The following GREM2 variants were observed in gnomAD, a reference collection of about 807,000 sequenced individuals.
The protein encoded by GREM2 is gremlin-2.
GREM2 carries 11 observed loss-of-function variants against 14.2 expected under a neutral mutation model. That is an observed-to-expected ratio of 0.78 (90% CI 0.49 to 1.28). GREM2 has a LOEUF of 1.28. Among genes scored for constraint, GREM2 ranks in the 50% most tolerant of loss-of-function variants. The pLI, the probability that GREM2 is intolerant of heterozygous loss-of-function variation, is 0.00. For synonymous variants in GREM2, 98 were observed against 97.6 expected, an observed-to-expected ratio of 1.00 and a Z score of -0.02; for missense variants, 210 against 218.5, an observed-to-expected ratio of 0.96 and a Z score of 0.24.
intron 1 of GREM2, among the ~76,000 whole-genome samples, chr1:240,607,126 A>G (rs556397893): frequency 7.9e-5 from 12 of 152,330 alleles, no homozygotes; most frequent in East Asian, 1.9e-4. Flanking sequence ...TTAGCAAATA[A>G]TCATTCTTTA....
At chr1:240,602,355 T>C (rs902163421) in intron 1 of GREM2, among the ~76,000 whole-genome samples, 2 of 152,142 alleles carry the variant, frequency 1.3e-5, no homozygotes, top group Non-Finnish European at 2.9e-5. Flanking sequence ...TTCTTTCTTA[T>C]ATGTTTTTTC....
At chr1:240,582,505 A>C (rs73113794) in intron 1 of GREM2, among the ~76,000 whole-genome samples, 3,239 of 151,994 alleles carry the variant, frequency 0.021, 85 homozygotes, top group African/African-American at 0.056. Context: ...TTTTATTAAG[A>C]AATTTGTTGA....
At chr1:240,563,341 G>A (rs1182835809) in intron 1 of GREM2, among the ~76,000 whole-genome samples, 1 of 152,170 alleles carries the variant, frequency 6.6e-6, no homozygotes, top group East Asian at 1.9e-4. Flanking sequence ...AGAATGCAAT[G>A]CTCCTCAGGC....
At chr1:240,509,537 G>T (rs1677756820) in intron 1 of GREM2, among the ~76,000 whole-genome samples, 2 of 151,620 alleles carry the variant, frequency 1.3e-5, no homozygotes, top group Admixed American at 1.3e-4. Context: ...CCCAGCTAAT[G>T]TTGTATTTTT....
intron 1 of GREM2, among the ~76,000 whole-genome samples, chr1:240,578,373 A>G (rs1233241434): frequency 6.6e-6 from 1 of 151,664 alleles, no homozygotes; most frequent in Non-Finnish European, 1.5e-5. Context: ...TGATCTGCCC[A>G]CTGTGGCCTC....
chr1:240,546,237 G>A (rs1189992159), intron 1 of GREM2, among the ~76,000 whole-genome samples: 1 of 152,078 alleles, frequency 6.6e-6, no homozygotes, highest in Non-Finnish European at 1.5e-5. Flanking sequence ...TCCTTGGAAG[G>A]CTGAGGCAGG....
chr1:240,562,161 G>T (rs1679052255), intron 1 of GREM2, among the ~76,000 whole-genome samples: 1 of 152,168 alleles, frequency 6.6e-6, no homozygotes, highest in South Asian at 2.1e-4. Flanking sequence ...TGAAGTGTGT[G>T]CTTGGGGTGA....
In GREM2 at chr1:240,610,823, C is replaced by T. The variant is rs182349264; in HGVS notation, c.-2+1061G>A. ...AATCTGTTCCACTGCAGAAAAAGCG[C>T]TTTTCATAGGGATTCAGAGCCACAT... On this transcript the variant is annotated intron_variant, in intron 1 of 1. Transcript: ENST00000318160. Among the ~76,000 whole-genome samples, 190 of 152,264 alleles carry T rather than the reference C, an allele frequency of 1.2e-3. 2 individuals carry two copies. The highest frequency in any genetic ancestry group is 0.011 in the Admixed American group (175 of 15,294).
rs879541880 is a variant in GREM2, at chr1:240,540,298, T to G, written c.-1-46822A>C. ...ATTTTCTTTGTCTAGACTAACTTAT[T>G]GCATTGAAGAGCTCCTTCTCCAAAA... On this transcript the variant is annotated intron_variant, in intron 1 of 1. Transcript: ENST00000318160. The surrounding 1 kb of genome is among the most constrained non-coding windows in gnomAD (Gnocchi z 4.2). Among the ~76,000 whole-genome samples, 3 of 152,156 alleles carry G rather than the reference T, an allele frequency of 2.0e-5. No homozygotes were observed. The highest frequency in any genetic ancestry group is 4.4e-5 in the Non-Finnish European group (3 of 68,030).
In GREM2 at chr1:240,500,083, G is replaced by C. The variant is rs147680254; in HGVS notation, c.-1-6607C>G. Among the ~76,000 whole-genome samples the C allele has an allele frequency of 3.9e-3, 586 of 152,098 alleles. 3 individuals are homozygous for C. Among genetic ancestry groups the C allele is most frequent in the African/African-American group, 0.013 (552 of 41,464 alleles). On this transcript the variant is annotated intron_variant, in intron 1 of 1. Transcript: ENST00000318160. ...AGCAAAACAGAAAATATAACAATAG[G>C]TACTCACCAGAAAGATGAAAACAAT...
intron 1 of GREM2, among the ~76,000 whole-genome samples, chr1:240,563,061 GTGTGTA>G (rs1218540786): frequency 6.7e-5 from 10 of 149,072 alleles, no homozygotes; most frequent in East Asian, 5.9e-4. Flanking sequence ...TGTATAGTGA[GTGTGTA>G]TGTGTGTATA....
At position 240,490,852 on chromosome 1, in the gene GREM2, C is replaced by T. The variant is rs1677231454; in HGVS notation, c.*2117G>A. ...ACTCTCCTCCACTCACCTCCCAATC[C>T]ACCCCTAGCCTCCATTACAATCACG... is the stretch of plus-strand genomic sequence containing the variant. On this transcript the variant is annotated 3_prime_UTR_variant, in exon 2 of 2. Transcript: ENST00000318160. 6.6e-6 allele frequency: 1 copy of T among 152,214 alleles called. No individual in the cohort carries two copies. Among genetic ancestry groups the T allele is most frequent in the Non-Finnish European group, 1.5e-5 (1 of 68,058 alleles). The allele number at this position is 152,214 out of a possible 1,614,324, so 9.4% of individuals were successfully genotyped here.
At chr1:240,606,434 A>G (rs1680025256) in intron 1 of GREM2, among the ~76,000 whole-genome samples, 1 of 152,196 alleles carries the variant, frequency 6.6e-6, no homozygotes, top group African/African-American at 2.4e-5. Context: ...AGGCCAAAAC[A>G]ATGCCATAGA....
intron 1 of GREM2, among the ~76,000 whole-genome samples, chr1:240,596,084 A>T (rs1679814419): frequency 6.6e-6 from 1 of 152,156 alleles, no homozygotes; most frequent in Non-Finnish European, 1.5e-5. Flanking sequence ...ACTCCAAATA[A>T]GTGTTCTGCT....
At chr1:240,585,603 G>T (rs949544180) in intron 1 of GREM2, among the ~76,000 whole-genome samples, 5 of 151,482 alleles carry the variant, frequency 3.3e-5, no homozygotes, top group African/African-American at 1.2e-4. Context: ...GGTGGCGGGC[G>T]CCTGTAATCC....
At chr1:240,608,130 A>G (rs1161164607) in intron 1 of GREM2, among the ~76,000 whole-genome samples, 2 of 152,232 alleles carry the variant, frequency 1.3e-5, no homozygotes, top group African/African-American at 4.8e-5. Flanking sequence ...GTTACAAGAA[A>G]TTCTCAGTAA....
intron 1 of GREM2, among the ~76,000 whole-genome samples, chr1:240,539,056 T>TTA (rs985705036): frequency 6.6e-6 from 1 of 152,178 alleles, no homozygotes; most frequent in African/African-American, 2.4e-5. Flanking sequence ...CATCTCATGC[T>TTA]TATAGAATTT....
chr1:240,596,778 A>G (rs1679826503), intron 1 of GREM2, among the ~76,000 whole-genome samples: 1 of 152,112 alleles, frequency 6.6e-6, no homozygotes, highest in African/African-American at 2.4e-5. Flanking sequence ...CATTCCAGGT[A>G]AGTCTTTGAC....
intron 1 of GREM2, among the ~76,000 whole-genome samples, chr1:240,510,583 C>CTA (rs999512056): frequency 3.3e-5 from 5 of 151,878 alleles, no homozygotes; most frequent in Admixed American, 1.3e-4. Context: ...CTTTTCAGTA[C>CTA]TAAAGGCCAC....
Sources: allele counts gnomAD v4.1 joint callset (sites outside exome capture counted in the v4.1 genomes callset), GRCh38; gene constraint gnomAD v4.1.1; non-coding constraint Gnocchi (gnomAD v3.1); transcripts MANE v1.5; gene names NCBI Gene and HGNC (gene_info 2026-07-23, HGNC 2026-07-21).